The following SMNDC1 variants were observed in gnomAD, a reference collection of about 807,000 sequenced individuals.
The protein encoded by SMNDC1 is survival of motor neuron-related-splicing factor 30.
Under a neutral mutation model 29.2 loss-of-function variants are expected in SMNDC1, and 5 were observed. The observed-to-expected ratio is 0.17, with a 90% CI of 0.09 to 0.36. The LOEUF (loss-of-function observed/expected upper bound fraction) is 0.36. Ranked by LOEUF, SMNDC1 falls within the 10% of genes least tolerant of loss-of-function variation. The pLI, the probability that SMNDC1 is intolerant of heterozygous loss-of-function variation, is 1.00. For missense variants in SMNDC1, 142 were observed against 268.5 expected (o/e 0.53, Z 3.29); for synonymous variants, 80 against 89.9 (o/e 0.89, Z 0.62).
intron 2 of SMNDC1, among the ~76,000 whole-genome samples, chr10:110,303,016 T>C (rs1857677792): frequency 6.6e-6 from 1 of 152,038 alleles, no homozygotes; most frequent in Non-Finnish European, 1.5e-5. Context: ...TGTAATCCAC[T>C]AGCTTTGGGG....
intron 4 of SMNDC1, among the ~76,000 whole-genome samples, chr10:110,296,057 T>G (rs1195035218): frequency 2.0e-5 from 3 of 152,298 alleles, no homozygotes; most frequent in South Asian, 2.1e-4. Context: ...ATAGACATAG[T>G]TAACAAGTGC....
At chr10:110,294,550 G>A (rs1180122008) in intron 5 of SMNDC1, among the ~76,000 whole-genome samples, 1 of 152,114 alleles carries the variant, frequency 6.6e-6, no homozygotes, top group African/African-American at 2.4e-5. Context: ...TTTTAGTTTT[G>A]TAAACGCAAA....
At chr10:110,300,465 AT>A in intron 2 of SMNDC1, 1 of 694,454 alleles carries the variant, frequency 1.4e-6, no homozygotes, top group Non-Finnish European at 1.8e-6. Context: ...AACCTTCTAA[AT>A]TTCTATTCTT....
chr10:110,294,704 C>T (rs540886743), intron 5 of SMNDC1, among the ~76,000 whole-genome samples: 12 of 152,136 alleles, frequency 7.9e-5, no homozygotes, highest in Non-Finnish European at 1.3e-4. Flanking sequence ...GAAAAGGAAG[C>T]GCTTCTTTCC....
At chr10:110,297,432 C>A (rs989267604) in intron 4 of SMNDC1, 135 bp downstream of exon 4, 2 of 756,772 alleles carry the variant, frequency 2.6e-6, no homozygotes, top group Admixed American at 5.8e-5. Context: ...ACAATGTTGA[C>A]CCTTTGTTGC....
At chr10:110,303,426 T>A (rs773611357) in intron 2 of SMNDC1, 42 bp downstream of exon 2, 80 of 1,531,154 alleles carry the variant, frequency 5.2e-5, no homozygotes, top group Middle Eastern at 2.0e-4. Context: ...AAGCAATAAT[T>A]TGAAAAACAG....
At chr10:110,296,633 T>C (rs1857566040) in intron 4 of SMNDC1, among the ~76,000 whole-genome samples, 1 of 152,194 alleles carries the variant, frequency 6.6e-6, no homozygotes, top group South Asian at 2.1e-4. Flanking sequence ...GCCATCATCT[T>C]ATACCTGGAT....
chr10:110,301,645 G>A (rs1857650481), intron 2 of SMNDC1, among the ~76,000 whole-genome samples: 1 of 152,162 alleles, frequency 6.6e-6, no homozygotes, highest in Admixed American at 6.5e-5. Flanking sequence ...ACCAAATGTG[G>A]CTAGTGGCTA....
chr10:110,295,507 C>T (rs1857552237), intron 4 of SMNDC1, 126 bp from the exon 5 acceptor site: 1 of 612,386 alleles, frequency 1.6e-6, no homozygotes, highest in Non-Finnish European at 2.6e-6. Flanking sequence ...ATAAAAAGTA[C>T]TAAATCATTA....
At chr10:110,298,812 T>C in intron 2 of SMNDC1, 22 bp from the exon 3 acceptor site, 2 of 1,570,174 alleles carry the variant, frequency 1.3e-6, no homozygotes, top group Non-Finnish European at 1.7e-6. Context: ...AAACAAAAAC[T>C]ACAACATTAT....
intron 3 of SMNDC1, among the ~76,000 whole-genome samples, 158 bp downstream of exon 3, chr10:110,298,490 T>A (rs1282092651): frequency 6.6e-6 from 1 of 152,200 alleles, no homozygotes; most frequent in African/African-American, 2.4e-5. Flanking sequence ...AACTAAACTG[T>A]ATTAATGGCA....
chr10:110,295,769 G>C (rs1371293844), intron 4 of SMNDC1, among the ~76,000 whole-genome samples: 1 of 151,998 alleles, frequency 6.6e-6, no homozygotes, highest in East Asian at 1.9e-4. Flanking sequence ...ACCCTCCCAA[G>C]TAGCTGGGAC....
chr10:110,303,335 G>A (rs923243473), intron 2 of SMNDC1, 133 bp downstream of exon 2: 84 of 671,356 alleles, frequency 1.3e-4, no homozygotes, highest in Non-Finnish European at 1.7e-4. Flanking sequence ...ACTTCTACAA[G>A]CAATGGTACC....
intron 2 of SMNDC1, 95 bp from the exon 3 acceptor site, chr10:110,298,885 T>A: frequency 1.2e-6 from 1 of 850,128 alleles, no homozygotes; most frequent in Non-Finnish European, 1.8e-6. Flanking sequence ...CGTTAAGTAC[T>A]CTACATATAT....
chr10:110,301,721 T>C (rs1190206756), intron 2 of SMNDC1, among the ~76,000 whole-genome samples: 1 of 152,158 alleles, frequency 6.6e-6, no homozygotes, highest in Non-Finnish European at 1.5e-5. Flanking sequence ...CAGTGCTGTT[T>C]TAAATGGTTA....
intron 4 of SMNDC1, 88 bp downstream of exon 4, chr10:110,297,479 T>G: frequency 8.1e-7 from 1 of 1,231,718 alleles, no homozygotes; most frequent in East Asian, 2.3e-5. Flanking sequence ...TATTACAACT[T>G]TCTTATGCAT....
In SMNDC1 at chr10:110,291,638, C is replaced by T. The variant is rs1857501004; in HGVS notation, c.*2512G>A. 2 of 152,152 alleles carry T rather than the reference C, an allele frequency of 1.3e-5. No individual in the cohort carries two copies. The highest frequency in any genetic ancestry group is 2.1e-4 in the South Asian group (1 of 4,828). 9.4% of individuals were successfully genotyped at this position (152,152 alleles called of 1,614,324 possible). A position where few individuals can be genotyped will look rare whatever the true frequency, so the allele number is the denominator to read the frequency against. Reference sequence around the variant, plus strand: ...AACTGAAACAGATTTTTCCATTCTACAGCTGAGAAAAATGAATCAGAGGAA... The same window carrying T: ...AACTGAAACAGATTTTTCCATTCTATAGCTGAGAAAAATGAATCAGAGGAA... On this transcript the variant is annotated 3_prime_UTR_variant, in exon 6 of 6. Transcript: ENST00000369603.
intron 2 of SMNDC1, among the ~76,000 whole-genome samples, chr10:110,302,795 T>C (rs914043347): frequency 1.3e-5 from 2 of 152,244 alleles, no homozygotes; most frequent in Non-Finnish European, 2.9e-5. Flanking sequence ...TATGTTTGTC[T>C]TGAAATCCCA....
intron 2 of SMNDC1, among the ~76,000 whole-genome samples, chr10:110,299,260 T>C (rs1857611317): frequency 6.6e-6 from 1 of 152,208 alleles, no homozygotes; most frequent in African/African-American, 2.4e-5. Flanking sequence ...GTAACAAAAA[T>C]GTTCCTACTT....
Sources: gnomAD v4.1 joint callset for allele counts (sites outside exome capture counted in the v4.1 genomes callset) on GRCh38, gnomAD v4.1.1 for gene constraint, MANE v1.5 for transcripts, NCBI Gene and HGNC (gene_info 2026-07-23, HGNC 2026-07-21) for gene names.